Variants in XRN1 observed in about 807,000 individuals in gnomAD.
The protein encoded by XRN1 is 5'-3' exoribonuclease 1.
A neutral mutation model predicts 222.3 loss-of-function variants in XRN1; 67 were observed. The ratio of observed to expected loss-of-function variants is 0.30; its 90% CI spans 0.25 to 0.37. XRN1 has a LOEUF of 0.37. Among genes scored for constraint, XRN1 ranks in the 10% least tolerant of loss-of-function variants. The pLI, the probability that XRN1 is intolerant of heterozygous loss-of-function variation, is 1.00. For missense variants in XRN1, 1,707 were observed against 2,000.2 expected (o/e 0.85, Z 2.80); for synonymous variants, 643 against 652.4 (o/e 0.99, Z 0.22).
rs1432949980 is a variant in XRN1, at chr3:142,370,486, T to C, written c.3203A>G (p.Lys1068Arg). ...ATCTTGGTTACTGAAAGTTAGTACC[T>C]TGCACTTTTCGACTTCTTCCTCAAT... ...EKIEEEVEKCKQRKNNKKVRV... is the reference protein window; with the variant it reads ...EKIEEEVEKCRQRKNNKKVRV... The change falls in exon 27 of 41, where the codon AAG (lysine) becomes AGG (arginine). Residue 1068 changes from lysine to arginine, a missense_variant and splice_region_variant. By Grantham distance (26) the Lys-to-Arg change is conservative. Transcript: ENST00000392981. 6.2e-7 allele frequency: 1 copy of C among 1,605,148 alleles called. No individual in the cohort carries two copies. The highest frequency in any genetic ancestry group is 8.5e-7 in the Non-Finnish European group (1 of 1,177,270).
chr3:142,339,787 AC>A (rs2107783191), intron 33 of XRN1, among the ~76,000 whole-genome samples: 1 of 152,230 alleles, frequency 6.6e-6, no homozygotes, highest in African/African-American at 2.4e-5. Context: ...ACAGGGCAAG[AC>A]CCTGCCTCAA....
At chr3:142,364,917 C>T in intron 29 of XRN1, 130 bp downstream of exon 29, 2 of 974,184 alleles carry the variant, frequency 2.1e-6, no homozygotes, top group Non-Finnish European at 2.7e-6. Context: ...AAAAATTTAA[C>T]TAAAACATAA....
intron 27 of XRN1, among the ~76,000 whole-genome samples, chr3:142,369,355 G>C (rs2066912880): frequency 6.6e-6 from 1 of 152,102 alleles, no homozygotes; most frequent in South Asian, 2.1e-4. Flanking sequence ...AGTAAGAAAA[G>C]TACATTTTAG....
Position 142,329,453 on chromosome 3 carries a change from G to C in XRN1, c.4385C>G (p.Ser1462Cys). Reference sequence around the variant, plus strand: ...CTATACCTGTGGCATCCTAAGAAAGGAGAAATCAGGTTGTGGCATTCCAAC... The same window carrying C: ...CTATACCTGTGGCATCCTAAGAAAGCAGAAATCAGGTTGTGGCATTCCAAC... ...SLVGMPQPDF[S>C]FLRMPQTMTV... Residue 1462 changes from serine (S) to cysteine (C), a missense_variant, in exon 37 of 41, where the codon TCC becomes TGC. Physicochemically the swap from Ser to Cys is moderately radical, Grantham distance 112. This residue lies in a region of XRN1 where 473 missense variants were observed against 482.0 expected (regional missense o/e 0.98). Coordinates refer to ENST00000392981, the MANE Select transcript of XRN1 (RefSeq NM_001282857.2). 2.5e-6 allele frequency: 4 copies of C among 1,579,286 alleles called. No homozygotes were observed. The highest frequency in any genetic ancestry group is 3.4e-6 in the Non-Finnish European group (4 of 1,168,024).
At chr3:142,410,066 A>G (rs1288090311) in intron 15 of XRN1, among the ~76,000 whole-genome samples, 3 of 152,236 alleles carry the variant, frequency 2.0e-5, no homozygotes, top group Non-Finnish European at 2.9e-5. Flanking sequence ...TTTTACATAG[A>G]TAATAATGCC....
At chr3:142,405,483 A>C (rs1267977016) in intron 15 of XRN1, among the ~76,000 whole-genome samples, 1 of 152,224 alleles carries the variant, frequency 6.6e-6, no homozygotes, top group African/African-American at 2.4e-5. Flanking sequence ...CATTTAAAGT[A>C]ATTCCAGTCA....
chr3:142,320,520 T>C (rs567243862), intron 37 of XRN1, among the ~76,000 whole-genome samples: 2 of 152,342 alleles, frequency 1.3e-5, no homozygotes, highest in South Asian at 4.1e-4. Context: ...CTGTTTACTC[T>C]GTTGATTATT....
chr3:142,328,454 T>G (rs2065581953), intron 37 of XRN1, among the ~76,000 whole-genome samples: 1 of 151,828 alleles, frequency 6.6e-6, no homozygotes, highest in African/African-American at 2.4e-5. Context: ...CCAAAGTTCC[T>G]CTTGTTATTG....
At chr3:142,421,219 C>T in intron 9 of XRN1, 66 bp from the exon 10 acceptor site, 2 of 1,401,116 alleles carry the variant, frequency 1.4e-6, no homozygotes, top group Non-Finnish European at 1.9e-6. Context: ...ACAAATCAAA[C>T]TTAAAACAGT....
chr3:142,329,907 C>T (rs749176921), intron 36 of XRN1, among the ~76,000 whole-genome samples: 10 of 152,138 alleles, frequency 6.6e-5, no homozygotes, highest in Admixed American at 2.0e-4. Context: ...TTCAGTTAGA[C>T]GCTATAGAGC....
chr3:142,378,852 G>C (rs1175959073), intron 23 of XRN1, among the ~76,000 whole-genome samples: 1 of 152,150 alleles, frequency 6.6e-6, no homozygotes, highest in Non-Finnish European at 1.5e-5. Context: ...ACCAGTAAGG[G>C]AAAGGTGCTA....
rs2067146934 is a variant in XRN1, at chr3:142,376,514, T to C, written c.2796A>G (p.Thr932=). 3 of 1,613,242 alleles carry C rather than the reference T, an allele frequency of 1.9e-6. No individual in the cohort carries two copies. The highest frequency in any genetic ancestry group is 1.7e-5 in the Admixed American group (1 of 59,976). The change falls in exon 24 of 41, where the codon ACA becomes ACG. Residue 932 remains threonine, a synonymous_variant. Coordinates refer to ENST00000392981, the MANE Select transcript of XRN1 (RefSeq NM_001282857.2). ...GVSGYLVSRF[T]GSIFIGRGSR... is the part of the protein sequence containing the mutation. ...ATCCTCTTCCAATAAAAATACTTCC[T>C]GTAAACCTTGAAACAAGGTATCCAC...
chr3:142,324,096 ATTATTT>A (rs984184656), intron 37 of XRN1, among the ~76,000 whole-genome samples: 1 of 142,088 alleles, frequency 7.0e-6, no homozygotes, highest in East Asian at 2.1e-4. Flanking sequence ...TTTTTTTTTT[ATTATTT>A]TTATTTTTTT....
At chr3:142,383,626 A>T (rs185735928) in intron 21 of XRN1, among the ~76,000 whole-genome samples, 2 of 152,284 alleles carry the variant, frequency 1.3e-5, no homozygotes. Flanking sequence ...TCCTCATGAC[A>T]AACCTCTGTG....
chr3:142,332,804 T>C (rs1266159730), intron 35 of XRN1, 163 bp downstream of exon 35: 6 of 1,069,970 alleles, frequency 5.6e-6, no homozygotes, highest in Non-Finnish European at 7.8e-6. Flanking sequence ...AGAAAAAGTA[T>C]GGCTAAATTG....
intron 30 of XRN1, among the ~76,000 whole-genome samples, chr3:142,359,137 A>G (rs543756572): frequency 3.2e-4 from 48 of 152,320 alleles, no homozygotes; most frequent in South Asian, 1.0e-3. Context: ...ACTTGTTCCT[A>G]TAACTTTAAA....
chr3:142,312,542 T>C (rs1029293934), intron 40 of XRN1, 56 bp downstream of exon 40: 2 of 1,422,430 alleles, frequency 1.4e-6, no homozygotes, highest in South Asian at 3.4e-5. Flanking sequence ...AAAATGTTTA[T>C]CAATAGTCTT....
intron 19 of XRN1, among the ~76,000 whole-genome samples, chr3:142,399,238 G>GAA (rs58300200): frequency 6.8e-4 from 40 of 59,154 alleles, no homozygotes; most frequent in South Asian, 1.6e-3. Flanking sequence ...AAACAATTCT[G>GAA]AAAAAAAAAA....
At chr3:142,351,720 C>G (rs2066311308) in intron 32 of XRN1, among the ~76,000 whole-genome samples, 1 of 151,896 alleles carries the variant, frequency 6.6e-6, no homozygotes. Context: ...ATGACTTTGA[C>G]TGTAACCTCT....
Sources: allele counts gnomAD v4.1 joint callset (sites outside exome capture counted in the v4.1 genomes callset), GRCh38; gene constraint gnomAD v4.1.1; regional missense constraint gnomAD v4.1.1; transcripts MANE v1.5; gene names NCBI Gene and HGNC (gene_info 2026-07-23, HGNC 2026-07-21).